Variants in MAP3K7CL observed in about 807,000 individuals in gnomAD.
The protein encoded by MAP3K7CL is MAP3K7 C-terminal like.
Under a neutral mutation model 18.6 loss-of-function variants are expected in MAP3K7CL, and 16 were observed. The ratio of observed to expected loss-of-function variants is 0.86; its 90% CI spans 0.58 to 1.31. The LOEUF is 1.31. Ranked by LOEUF, MAP3K7CL falls within the 50% of genes most tolerant of loss-of-function variation. MAP3K7CL has a pLI of 0.00. For missense variants in MAP3K7CL, 163 were observed against 174.4 expected (o/e 0.93, Z 0.37); for synonymous variants, 65 against 66.8 (o/e 0.97, Z 0.13).
chr21:29,113,282 ATATTTTATGCCAC>A (rs2086450936), intron 4 of MAP3K7CL, among the ~76,000 whole-genome samples: 1 of 152,154 alleles, frequency 6.6e-6, no homozygotes, highest in African/African-American at 2.4e-5. Context: ...ATTCTATTAA[ATATTTTATGCCAC>A]TATTTTGGAC....
chr21:29,150,570 G>C (rs1350483808), intron 3 of MAP3K7CL, among the ~76,000 whole-genome samples: 2 of 152,130 alleles, frequency 1.3e-5, no homozygotes, highest in African/African-American at 4.8e-5. Flanking sequence ...GCTGTCAAAA[G>C]AGCTCTGTCG....
At chr21:29,156,912 A>C (rs908303981) in intron 3 of MAP3K7CL, among the ~76,000 whole-genome samples, 1 of 152,108 alleles carries the variant, frequency 6.6e-6, no homozygotes, top group Non-Finnish European at 1.5e-5. Context: ...TTTGCTCAAC[A>C]ATGTTTGGGG....
At chr21:29,099,665 G>A (rs927990687) in intron 4 of MAP3K7CL, among the ~76,000 whole-genome samples, 1 of 152,044 alleles carries the variant, frequency 6.6e-6, no homozygotes, top group Non-Finnish European at 1.5e-5. Context: ...TATCTTTATT[G>A]CAGCTGGAAG....
chr21:29,107,728 G>A (rs142811463), intron 4 of MAP3K7CL, among the ~76,000 whole-genome samples: 84 of 152,328 alleles, frequency 5.5e-4, no homozygotes, highest in Admixed American at 1.4e-3. Context: ...TTATTGAACT[G>A]CTACATTAAT....
chr21:29,105,863 G>A (rs1456411991), intron 4 of MAP3K7CL, among the ~76,000 whole-genome samples: 3 of 152,212 alleles, frequency 2.0e-5, no homozygotes, highest in African/African-American at 7.2e-5. Flanking sequence ...ACTGTTGGAA[G>A]AGGGCTACAT....
At chr21:29,124,857 G>A (rs1398177458) in intron 4 of MAP3K7CL, among the ~76,000 whole-genome samples, 1 of 152,130 alleles carries the variant, frequency 6.6e-6, no homozygotes, top group Non-Finnish European at 1.5e-5. Flanking sequence ...TTTGCATATT[G>A]TCTATGACTA....
chr21:29,160,827 G>A (rs1490911851), intron 4 of MAP3K7CL, among the ~76,000 whole-genome samples: 2 of 152,220 alleles, frequency 1.3e-5, no homozygotes, highest in Non-Finnish European at 2.9e-5. Flanking sequence ...CTGATAGTCA[G>A]GTGTTGTCAC....
At chr21:29,160,261 T>C (rs1028593687) in intron 4 of MAP3K7CL, among the ~76,000 whole-genome samples, 2 of 152,212 alleles carry the variant, frequency 1.3e-5, no homozygotes, top group African/African-American at 4.8e-5. Context: ...AAACTTAATT[T>C]TTTAAATAAG....
chr21:29,149,113 C>A, intron 2 of MAP3K7CL, 76 bp from the exon 3 acceptor site: 1 of 1,175,122 alleles, frequency 8.5e-7, no homozygotes, highest in South Asian at 1.2e-5. Flanking sequence ...TACTGATGGT[C>A]TAACTCTGGG....
chr21:29,134,918 G>A (rs534634285), intron 2 of MAP3K7CL, among the ~76,000 whole-genome samples: 109 of 152,228 alleles, frequency 7.2e-4, no homozygotes, highest in African/African-American at 2.6e-3. Context: ...GGGCCTGGTG[G>A]CGGGCGCCTG....
At chr21:29,101,697 C>T (rs1014785665) in intron 4 of MAP3K7CL, among the ~76,000 whole-genome samples, 1 of 152,128 alleles carries the variant, frequency 6.6e-6, no homozygotes, top group South Asian at 2.1e-4. Flanking sequence ...CTTCAGGCAC[C>T]GTGCCCGGCC....
chr21:29,134,417 C>T (rs1477593655), intron 2 of MAP3K7CL, among the ~76,000 whole-genome samples: 2 of 152,156 alleles, frequency 1.3e-5, no homozygotes, highest in African/African-American at 2.4e-5. Context: ...AAGTAAGGAG[C>T]TCTGTGAAAT....
chr21:29,143,524 G>A (rs2087055071), intron 2 of MAP3K7CL, among the ~76,000 whole-genome samples: 1 of 151,928 alleles, frequency 6.6e-6, no homozygotes, highest in South Asian at 2.1e-4. Context: ...CTGGGTTCAA[G>A]CAATTCTCCT....
chr21:29,166,632 A>C (rs1417523137), intron 4 of MAP3K7CL, among the ~76,000 whole-genome samples: 1 of 152,214 alleles, frequency 6.6e-6, no homozygotes, highest in Non-Finnish European at 1.5e-5. Flanking sequence ...TATTTTGGAC[A>C]TTTCATACAA....
intron 4 of MAP3K7CL, among the ~76,000 whole-genome samples, chr21:29,172,125 ATAT>A (rs978995696): frequency 2.6e-5 from 4 of 151,972 alleles, no homozygotes; most frequent in East Asian, 1.9e-4. Context: ...TAGCATTGAT[ATAT>A]TATTATTATT....
chr21:29,144,490 G>A (rs2087081934), intron 2 of MAP3K7CL, among the ~76,000 whole-genome samples: 1 of 152,172 alleles, frequency 6.6e-6, no homozygotes, highest in Non-Finnish European at 1.5e-5. Context: ...AAATTTTACT[G>A]GTTCATGAAA....
At chr21:29,084,968 C>G (rs2085898833), upstream of MAP3K7CL, 1 of 152,082 alleles carries the variant, frequency 6.6e-6, no homozygotes. Context: ...TGCACAGTGA[C>G]TTATCTCAAG....
rs142777117 is a variant in MAP3K7CL, at chr21:29,135,415, C to A, written c.70+2001C>A. 4.8e-3 allele frequency among the ~76,000 whole-genome samples: 735 copies of A among 152,172 alleles called. 6 individuals carry two copies. The highest frequency in any genetic ancestry group is 0.017 in the African/African-American group (704 of 41,514). On this transcript the variant is annotated intron_variant, in intron 2 of 4. Coordinates refer to ENST00000399928, the MANE Select transcript of MAP3K7CL (RefSeq NM_001286620.2). Reference sequence around the variant, plus strand: ...CTTTTTTACTCATGCTGCATGTGAGCAGAACAAGTCCTGTTACAATCAACA... The same window carrying A: ...CTTTTTTACTCATGCTGCATGTGAGAAGAACAAGTCCTGTTACAATCAACA...
At chr21:29,153,164 A>G (rs1043267418) in intron 3 of MAP3K7CL, among the ~76,000 whole-genome samples, 4 of 152,222 alleles carry the variant, frequency 2.6e-5, no homozygotes, top group Non-Finnish European at 4.4e-5. Flanking sequence ...ATTTCTCTTG[A>G]TGTCTCTATT....
Sources: gnomAD v4.1 joint callset for allele counts (sites outside exome capture counted in the v4.1 genomes callset) on GRCh38, gnomAD v4.1.1 for gene constraint, MANE v1.5 for transcripts, NCBI Gene and HGNC (gene_info 2026-07-23, HGNC 2026-07-21) for gene names.